The following EYS variants were observed in gnomAD, a reference collection of about 807,000 sequenced individuals.
EYS encodes the protein protein eyes shut homolog.
EYS carries 250 observed loss-of-function variants against 282.1 expected under a neutral mutation model. The ratio of observed to expected loss-of-function variants is 0.89; its 90% confidence interval spans 0.80 to 0.98. The LOEUF is 0.98. Among genes scored for constraint, EYS ranks in the 50% least tolerant of loss-of-function variants. The probability of loss-of-function intolerance (pLI) is 0.00; values close to 1 mark genes in which losing one functional copy is unlikely to be tolerated. For synonymous variants in EYS, 1,355 were observed against 1,282.9 expected (o/e 1.06, Z -1.20); for missense variants, 4,016 against 3,709.0 (o/e 1.08, Z -2.15).
intron 30 of EYS, among the ~76,000 whole-genome samples, chr6:64,289,358 T>C (rs1195244304): frequency 6.6e-6 from 1 of 152,050 alleles, no homozygotes; most frequent in Non-Finnish European, 1.5e-5. Context: ...ATCTCTTATA[T>C]ATCCACTAGA....
chr6:65,269,852 C>A (rs1317320576), intron 12 of EYS, among the ~76,000 whole-genome samples: 2 of 152,046 alleles, frequency 1.3e-5, no homozygotes, highest in African/African-American at 4.8e-5. Context: ...GACCTAATTA[C>A]CTCCCAGAGA....
At chr6:64,207,004 G>A (rs578079618) in intron 31 of EYS, among the ~76,000 whole-genome samples, 5 of 152,114 alleles carry the variant, frequency 3.3e-5, no homozygotes, top group South Asian at 2.1e-4. Context: ...GCCCCAGTGC[G>A]TGTTGTTCTC....
chr6:63,788,131 C>G lies in EYS; in HGVS notation c.7697G>C (p.Gly2566Ala), dbSNP rs115058877. 2 of 1,542,740 alleles carry G rather than the reference C, an allele frequency of 1.3e-6. No individual in the cohort carries two copies. Among genetic ancestry groups the G allele is most frequent in the Non-Finnish European group, 1.7e-6 (2 of 1,144,564 alleles). The part of the protein sequence containing the change: ...SEYTPDLLPN[G>A]ADFKNGFQGC... Reference sequence around the variant, plus strand: ...TTGAAAACCATTTTTAAAATCTGCTCCATTTGGTAAGAGATCTGGAGTGTA... The same window carrying G: ...TTGAAAACCATTTTTAAAATCTGCTGCATTTGGTAAGAGATCTGGAGTGTA... Residue 2566 changes from glycine (G) to alanine (A), a missense_variant, in exon 39 of 43, where the codon GGA becomes GCA. Gly to Ala is a moderately conservative substitution (Grantham distance 60). Transcript: ENST00000503581.
chr6:64,524,367 T>G (rs1338773971), intron 26 of EYS, among the ~76,000 whole-genome samples: 1 of 151,830 alleles, frequency 6.6e-6, no homozygotes, highest in East Asian at 1.9e-4. Context: ...TCCTTATAGA[T>G]GCTGGATATG....
intron 1 of EYS, among the ~76,000 whole-genome samples, chr6:65,663,851 T>A (rs1315150002): frequency 1.7e-4 from 25 of 144,404 alleles, no homozygotes; most frequent in African/African-American, 6.2e-4. Context: ...CAGCTAATTT[T>A]TTGTTTTTTC....
At chr6:63,999,647 C>A (rs1767987855) in intron 33 of EYS, among the ~76,000 whole-genome samples, 1 of 152,116 alleles carries the variant, frequency 6.6e-6, no homozygotes, top group African/African-American at 2.4e-5. Context: ...GGCTGCATAC[C>A]CCTGAGCAGA....
chr6:64,590,739 T>G lies in EYS; in HGVS notation c.5128A>C (p.Thr1710Pro). Residue 1710 changes from threonine (T) to proline (P), a missense_variant, in exon 26 of 43, where the codon ACT becomes CCT. Thr to Pro is a conservative substitution (Grantham distance 38, BLOSUM62 -1). Coordinates refer to ENST00000503581, the MANE Select transcript of EYS (RefSeq NM_001142800.2). ...KLLKIRQYGI[T>P]MGPTEVLNQE... ...TTTAGTACCTCAGTGGGTCCCATAG[T>G]TATGCCATATTGTCTTATTTTCAAT... is the stretch of plus-strand genomic sequence containing the variant. 1 of 1,551,106 alleles carries G rather than the reference T, an allele frequency of 6.4e-7. No homozygotes were observed. The highest frequency in any genetic ancestry group is 8.7e-7 in the Non-Finnish European group (1 of 1,146,546).
intron 30 of EYS, among the ~76,000 whole-genome samples, chr6:64,231,284 A>G (rs185596276): frequency 6.6e-6 from 1 of 152,244 alleles, no homozygotes; most frequent in Admixed American, 6.6e-5. Flanking sequence ...AAATACCCAT[A>G]AATATTCCCT....
intron 30 of EYS, among the ~76,000 whole-genome samples, chr6:64,259,189 T>A (rs1373251739): frequency 6.6e-6 from 1 of 151,996 alleles, no homozygotes; most frequent in Non-Finnish European, 1.5e-5. Context: ...GGGATGGCGA[T>A]TTTACTATTC....
intron 12 of EYS, among the ~76,000 whole-genome samples, chr6:65,287,146 A>T (rs372417781): frequency 3.3e-5 from 5 of 151,458 alleles, no homozygotes; most frequent in African/African-American, 4.8e-5. Context: ...TTGAAAAAAA[A>T]TAAGATATTT....
chr6:64,221,902 C>T (rs1024406574), intron 31 of EYS, among the ~76,000 whole-genome samples: 13 of 151,998 alleles, frequency 8.6e-5, no homozygotes, highest in African/African-American at 2.7e-4. Flanking sequence ...GCATCCACTG[C>T]GGGACGGTCT....
chr6:65,686,560 T>C (rs527619240), intron 1 of EYS, among the ~76,000 whole-genome samples: 5 of 152,232 alleles, frequency 3.3e-5, no homozygotes, highest in African/African-American at 9.6e-5. Context: ...ATATATAACA[T>C]ATGCTCACAC....
chr6:64,346,373 TA>T (rs570514891), intron 29 of EYS, among the ~76,000 whole-genome samples: 328 of 152,042 alleles, frequency 2.2e-3, no homozygotes, highest in Non-Finnish European at 3.0e-3. Flanking sequence ...TATGCAGCCA[TA>T]AAAAATGATG....
intron 29 of EYS, among the ~76,000 whole-genome samples, chr6:64,314,940 A>G (rs190904510): frequency 2.6e-5 from 4 of 152,286 alleles, no homozygotes; most frequent in African/African-American, 4.8e-5. Context: ...GAACTGAAGG[A>G]GATATAAACA....
intron 26 of EYS, among the ~76,000 whole-genome samples, chr6:64,451,533 A>T (rs1048678478): frequency 2.0e-5 from 3 of 152,200 alleles, no homozygotes; most frequent in Non-Finnish European, 4.4e-5. Context: ...ACCTGATACC[A>T]AAGCCTGGCA....
chr6:64,920,699 T>C (rs1475646074), intron 15 of EYS, among the ~76,000 whole-genome samples: 1 of 152,142 alleles, frequency 6.6e-6, no homozygotes, highest in Non-Finnish European at 1.5e-5. Context: ...TACTTGAAAA[T>C]GCATATATAA....
chr6:64,855,229 A>G (rs1418097214), intron 19 of EYS, among the ~76,000 whole-genome samples: 2 of 151,438 alleles, frequency 1.3e-5, no homozygotes, highest in African/African-American at 4.9e-5. Flanking sequence ...AGCTTTGTGG[A>G]TTGGTGTATG....
chr6:64,368,480 A>AT (rs1013594148), intron 29 of EYS, among the ~76,000 whole-genome samples: 2 of 151,928 alleles, frequency 1.3e-5, no homozygotes, highest in Non-Finnish European at 2.9e-5. Flanking sequence ...TTGAATGGTA[A>AT]TTTTTTTAAG....
intron 12 of EYS, among the ~76,000 whole-genome samples, chr6:65,061,297 A>C (rs1173080737): frequency 6.6e-6 from 1 of 152,032 alleles, no homozygotes; most frequent in Non-Finnish European, 1.5e-5. Context: ...CACATTCAAT[A>C]AAATAGCATT....
Sources: allele counts gnomAD v4.1 joint callset (sites outside exome capture counted in the v4.1 genomes callset), GRCh38; gene constraint gnomAD v4.1.1; transcripts MANE v1.5; gene names NCBI Gene and HGNC (gene_info 2026-07-23, HGNC 2026-07-21).